The following ARIH1 variants were observed in gnomAD, a reference collection of about 807,000 sequenced individuals.
ARIH1 encodes ariadne RBR E3 ubiquitin protein ligase 1.
ARIH1 carries 8 observed loss-of-function variants against 85.0 expected under a neutral mutation model. The observed-to-expected ratio is 0.09, with a 90% confidence interval of 0.06 to 0.17. ARIH1 has a LOEUF of 0.17. Among genes scored for constraint, ARIH1 ranks in the 10% least tolerant of loss-of-function variants. The probability of loss-of-function intolerance (pLI) is 1.00; values close to 1 mark genes in which losing one functional copy is unlikely to be tolerated. For synonymous variants in ARIH1, 238 were observed against 253.6 expected (o/e 0.94, Z 0.59); for missense variants, 311 against 718.1 (o/e 0.43, Z 6.48).
At chr15:72,521,189 T>A (rs1329224396) in intron 2 of ARIH1, among the ~76,000 whole-genome samples, 2 of 94,188 alleles carry the variant, frequency 2.1e-5, no homozygotes, top group African/African-American at 7.7e-5. Context: ...TTACTATGTA[T>A]GTATTTAATG....
At chr15:72,515,121 A>C (rs2063969224) in intron 1 of ARIH1, among the ~76,000 whole-genome samples, 1 of 152,202 alleles carries the variant, frequency 6.6e-6, no homozygotes, top group Non-Finnish European at 1.5e-5. Flanking sequence ...AGATCACCTG[A>C]GGTCGGGAGT....
At chr15:72,552,777 G>T (rs202132403) in intron 3 of ARIH1, among the ~76,000 whole-genome samples, 4,343 of 139,914 alleles carry the variant, frequency 0.031, 108 homozygotes, top group East Asian at 0.12. Context: ...AGGGAGGCCT[G>T]TTTTTTTTTT....
At position 72,474,600 on chromosome 15, in the gene ARIH1, C is replaced by T. The variant is rs1466063526; in HGVS notation, c.-40C>T. 2 of 1,493,636 alleles carry T rather than the reference C, an allele frequency of 1.3e-6. No homozygotes were observed. Among genetic ancestry groups the T allele is most frequent in the Non-Finnish European group, 1.8e-6 (2 of 1,124,384 alleles). The allele number at this position is 1,493,636 out of a possible 1,614,324, so 92.5% of individuals were successfully genotyped here. ...GGCCTCGGCGTCCCCGCCCTCTCCC[C>T]GCCTCGGCCAGCGTCCGCCGGGCCC... is the stretch of plus-strand genomic sequence containing the variant. On this transcript the variant is annotated 5_prime_UTR_variant, in exon 1 of 14. Coordinates refer to ENST00000379887, the MANE Select transcript of ARIH1 (RefSeq NM_005744.5).
intron 3 of ARIH1, among the ~76,000 whole-genome samples, chr15:72,545,431 A>T (rs2064124565): frequency 6.6e-6 from 1 of 152,254 alleles, no homozygotes; most frequent in African/African-American, 2.4e-5. Flanking sequence ...GAGATTGTTA[A>T]ATATGGTATG....
At chr15:72,561,314 T>G (rs1247159754) in intron 5 of ARIH1, 169 bp from the exon 6 acceptor site, 1 of 511,972 alleles carries the variant, frequency 2.0e-6, no homozygotes, top group Non-Finnish European at 3.4e-6. Flanking sequence ...AAATTATTGT[T>G]CTGATCAGTA....
chr15:72,497,338 T>C (rs535169291), intron 1 of ARIH1, among the ~76,000 whole-genome samples: 1 of 152,370 alleles, frequency 6.6e-6, no homozygotes, highest in South Asian at 2.1e-4. Flanking sequence ...CTTCCTGTTA[T>C]TTCGCTGACA....
chr15:72,566,323 A>G (rs753592939), intron 7 of ARIH1: 19 of 444,134 alleles, frequency 4.3e-5, no homozygotes, highest in Middle Eastern at 1.1e-3. Context: ...ATTGTCATCA[A>G]AGCGTGTCTT....
At chr15:72,483,657 T>G (rs968083195) in intron 1 of ARIH1, among the ~76,000 whole-genome samples, 6 of 152,206 alleles carry the variant, frequency 3.9e-5, no homozygotes, top group African/African-American at 1.4e-4. Context: ...TTATTTTGGA[T>G]TAACCGTAAA....
Position 72,587,218 on chromosome 15 carries a change from A to G in ARIH1, c.*3926A>G. 1.9e-6 allele frequency: 1 copy of G among 524,954 alleles called. No individual in the cohort carries two copies. Among genetic ancestry groups the G allele is most frequent in the Non-Finnish European group, 3.9e-6 (1 of 255,226 alleles). 32.5% of individuals were successfully genotyped at this position (524,954 alleles called of 1,614,324 possible). On this transcript the variant is annotated 3_prime_UTR_variant, in exon 14 of 14. Coordinates refer to ENST00000379887, the MANE Select transcript of ARIH1 (RefSeq NM_005744.5). Reference sequence around the variant, plus strand: ...AATTTTTCATTTCCTTCTACCTGAAACTTAACATCATGCTACCTCTTTGTA... The same window carrying G: ...AATTTTTCATTTCCTTCTACCTGAAGCTTAACATCATGCTACCTCTTTGTA...
At chr15:72,579,495 T>C (rs1341234497) in intron 11 of ARIH1, among the ~76,000 whole-genome samples, 4 of 152,240 alleles carry the variant, frequency 2.6e-5, no homozygotes. Flanking sequence ...TTGCTTGTTT[T>C]ACATCTTGTG....
In ARIH1 at chr15:72,588,342, G is replaced by A. The variant is rs1283088097; in HGVS notation, c.*5050G>A. On this transcript the variant is annotated 3_prime_UTR_variant, in exon 14 of 14. Transcript: ENST00000379887. ...TGTCCATCTGGCATTACCTAGACCA[G>A]TGATACTTAAACTTGACTGCGAATT... 6.6e-6 allele frequency: 1 copy of A among 152,186 alleles called. No individual in the cohort carries two copies. The highest frequency in any genetic ancestry group is 1.5e-5 in the Non-Finnish European group (1 of 68,026). The allele number at this position is 152,186 out of a possible 1,614,324, so 9.4% of individuals were successfully genotyped here. A position where few individuals can be genotyped will look rare whatever the true frequency, so the allele number is the denominator to read the frequency against.
Position 72,589,231 on chromosome 15 carries a change from A to C in ARIH1, c.*5939A>C, listed in dbSNP as rs748516139. Reference sequence around the variant, plus strand: ...CTACTAACTTACTCAAAAGTTACACATTGAGTGTATAACAGGGCCATGCTT... The same window carrying C: ...CTACTAACTTACTCAAAAGTTACACCTTGAGTGTATAACAGGGCCATGCTT... On this transcript the variant is annotated 3_prime_UTR_variant, in exon 14 of 14. Coordinates refer to ENST00000379887, the MANE Select transcript of ARIH1 (RefSeq NM_005744.5). The C allele has an allele frequency of 6.6e-6, 1 of 152,176 alleles. No homozygotes were observed. Among genetic ancestry groups the C allele is most frequent in the Admixed American group, 6.5e-5 (1 of 15,282 alleles). The allele number at this position is 152,176 out of a possible 1,614,324, so 9.4% of individuals were successfully genotyped here.
At chr15:72,553,570 TG>T (rs1487385293) in intron 3 of ARIH1, among the ~76,000 whole-genome samples, 1 of 152,100 alleles carries the variant, frequency 6.6e-6, no homozygotes, top group Non-Finnish European at 1.5e-5. Flanking sequence ...CCTAGGCAAC[TG>T]CTCATCTGTT....
At chr15:72,475,922 A>G (rs1003383477) in intron 1 of ARIH1, among the ~76,000 whole-genome samples, 3 of 152,098 alleles carry the variant, frequency 2.0e-5, no homozygotes, top group African/African-American at 7.2e-5. Flanking sequence ...TTTGAGCTTT[A>G]GAAACTCAAA....
chr15:72,478,488 C>T (rs1368501069), intron 1 of ARIH1, among the ~76,000 whole-genome samples: 1 of 152,192 alleles, frequency 6.6e-6, no homozygotes, highest in Admixed American at 6.5e-5. Flanking sequence ...TTCAATTCTG[C>T]AGTTGGGAGT....
At chr15:72,542,448 A>G (rs71397250) in intron 2 of ARIH1, among the ~76,000 whole-genome samples, 1 of 152,218 alleles carries the variant, frequency 6.6e-6, no homozygotes. Flanking sequence ...ATAAATAAAT[A>G]CAAGTTAAGT....
chr15:72,474,563 A>AGCGAGAGCCGGG lies in ARIH1; in HGVS notation c.-74_-63dup, dbSNP rs1205428009. The AGCGAGAGCCGGG allele has an allele frequency of 1.4e-6, 2 of 1,459,212 alleles. No individual in the cohort carries two copies. Among genetic ancestry groups the AGCGAGAGCCGGG allele is most frequent in the Non-Finnish European group, 9.0e-7 (1 of 1,107,278 alleles). The allele number at this position is 1,459,212 out of a possible 1,614,324, so 90.4% of individuals were successfully genotyped here. On this transcript the variant is annotated 5_prime_UTR_variant, in exon 1 of 14. Transcript: ENST00000379887. ...GCGTCCGGACATCAGCCGGAGCCGGAGCGAGAGCCGGGGCCTCGGCGTCCC... is the reference window on the plus strand; with the variant it reads ...GCGTCCGGACATCAGCCGGAGCCGGAGCGAGAGCCGGGGCGAGAGCCGGGGCCTCGGCGTCCC...
intron 2 of ARIH1, among the ~76,000 whole-genome samples, chr15:72,519,552 C>T (rs1595859573): frequency 2.2e-5 from 3 of 133,612 alleles, no homozygotes; most frequent in East Asian, 2.4e-4. Flanking sequence ...GGCGTGACCT[C>T]GGCTCACTGC....
Position 72,539,170 on chromosome 15 carries a change from T to A in ARIH1, c.444-5650T>A, listed in dbSNP as rs74435616. Among the ~76,000 whole-genome samples the A allele has an allele frequency of 3.2e-3, 481 of 152,286 alleles. 3 individuals carry two copies. The highest frequency in any genetic ancestry group is 0.011 in the African/African-American group (464 of 41,566). ...CTACAGTGCTTTACATTGAGTCAGT[T>A]CCTTTTTATTTTGGTCTGATTTTCA... On this transcript the variant is annotated intron_variant, in intron 2 of 13. Transcript: ENST00000379887.
Sources: allele counts gnomAD v4.1 joint callset (sites outside exome capture counted in the v4.1 genomes callset), GRCh38; gene constraint gnomAD v4.1.1; transcripts MANE v1.5; gene names NCBI Gene and HGNC (gene_info 2026-07-23, HGNC 2026-07-21).